PLBD2: variants seen among roughly 807,000 people sequenced by gnomAD.
PLBD2 encodes phospholipase B domain containing 2, also known as putative aminopeptidase PLBD2.
Under a neutral mutation model 68.3 loss-of-function variants are expected in PLBD2, and 51 were observed. The ratio of observed to expected loss-of-function variants is 0.75; its 90% CI spans 0.60 to 0.94. The LOEUF is 0.94. Ranked by LOEUF, PLBD2 falls within the 40% of genes least tolerant of loss-of-function variation. PLBD2 has a pLI of 0.00. For synonymous variants in PLBD2, 314 were observed against 339.3 expected, an observed-to-expected ratio of 0.93 and a Z score of 0.82; for missense variants, 729 against 792.2, an observed-to-expected ratio of 0.92 and a Z score of 0.96.
chr12:113,388,433 C>A lies in PLBD2; in HGVS notation c.1603-26C>A, dbSNP rs767197171. The A allele has an allele frequency of 2.6e-6, 4 of 1,522,552 alleles. No individual in the cohort carries two copies. In the South Asian group the frequency reaches 3.6e-5, roughly 14 times the overall value. The allele number at this position is 1,522,552 out of a possible 1,614,324, so 94.3% of individuals were successfully genotyped here. ...ATTGGGGCAGGCCAGGACCCCTGCT[C>A]AGCTGCGGCTCTGCCCTGTCCCCAG... is the stretch of plus-strand genomic sequence containing the variant. On this transcript the variant is annotated intron_variant, in intron 11 of 11. Transcript: ENST00000280800.
chr12:113,367,759 A>AAAAG (rs1555205488), intron 1 of PLBD2, among the ~76,000 whole-genome samples: 2 of 148,096 alleles, frequency 1.4e-5, no homozygotes, highest in Non-Finnish European at 1.5e-5. Context: ...AAAAAAAAAA[A>AAAAG]AAAAAAGAAA....
intron 5 of PLBD2, among the ~76,000 whole-genome samples, chr12:113,376,046 G>A (rs1266437858): frequency 6.6e-6 from 1 of 151,890 alleles, no homozygotes; most frequent in African/African-American, 2.4e-5. Context: ...CAGAGACAGG[G>A]TTTTCCCATA....
Position 113,374,953 on chromosome 12 carries a change from C to T in PLBD2, c.805C>T (p.His269Tyr). The T allele has an allele frequency of 6.2e-7, 1 of 1,614,160 alleles. No individual in the cohort carries two copies. The highest frequency in any genetic ancestry group is 8.5e-7 in the Non-Finnish European group (1 of 1,180,028). Reference protein sequence around the residue: ...VAHNTWNNYQHMLRVIKKYWL... With the variant: ...VAHNTWNNYQYMLRVIKKYWL... ...CCACAACACCTGGAACAACTACCAGCACATGCTGCGTGTCATCAAGAAGTA... is the reference window on the plus strand; with the variant it reads ...CCACAACACCTGGAACAACTACCAGTACATGCTGCGTGTCATCAAGAAGTA... The change falls in exon 5 of 12, where the codon CAC becomes TAC. Residue 269 changes from histidine to tyrosine, a missense_variant. Transcript: ENST00000280800.
chr12:113,374,608 A>G, intron 4 of PLBD2, 34 bp downstream of exon 4: 1 of 1,537,496 alleles, frequency 6.5e-7, no homozygotes, highest in South Asian at 1.2e-5. Flanking sequence ...CAGGGTGGGA[A>G]GAAGGGCCAC....
intron 1 of PLBD2, among the ~76,000 whole-genome samples, chr12:113,367,762 A>G (rs1401814618): frequency 2.0e-5 from 3 of 151,416 alleles, no homozygotes; most frequent in East Asian, 3.9e-4. Context: ...AAAAAAAAAA[A>G]AAAGAAAAAA....
chr12:113,375,734 A>T (rs1364109450), intron 5 of PLBD2, among the ~76,000 whole-genome samples: 1 of 152,172 alleles, frequency 6.6e-6, no homozygotes, highest in Non-Finnish European at 1.5e-5. Context: ...AGCCAGGGTG[A>T]TGGGGACAGC....
intron 5 of PLBD2, among the ~76,000 whole-genome samples, chr12:113,380,125 T>G (rs1052877628): frequency 6.6e-6 from 1 of 152,150 alleles, no homozygotes; most frequent in Non-Finnish European, 1.5e-5. Context: ...TAGTGTTATT[T>G]CTTTTATTTA....
At chr12:113,369,443 A>G (rs934174716) in intron 2 of PLBD2, among the ~76,000 whole-genome samples, 1 of 152,238 alleles carries the variant, frequency 6.6e-6, no homozygotes, top group Non-Finnish European at 1.5e-5. Context: ...AAAGCTCAAT[A>G]ACAAGTAAAG....
At chr12:113,363,080 G>C (rs1957309955) in intron 1 of PLBD2, among the ~76,000 whole-genome samples, 1 of 152,038 alleles carries the variant, frequency 6.6e-6, no homozygotes, top group African/African-American at 2.4e-5. Flanking sequence ...ACAGGTGTGA[G>C]CTATTGTGCC....
At chr12:113,381,079 A>ATT (rs1957485838) in intron 6 of PLBD2, among the ~76,000 whole-genome samples, 1 of 152,020 alleles carries the variant, frequency 6.6e-6, no homozygotes, top group South Asian at 2.1e-4. Flanking sequence ...GGCGTGTTTA[A>ATT]ACATAGACCC....
chr12:113,380,500 GA>G, intron 5 of PLBD2, among the ~76,000 whole-genome samples: 1 of 152,320 alleles, frequency 6.6e-6, no homozygotes, highest in East Asian at 1.9e-4. Context: ...TGAATCCAAG[GA>G]TGTGGAACCC....
At chr12:113,363,670 T>A (rs1250841334) in intron 1 of PLBD2, among the ~76,000 whole-genome samples, 1 of 151,588 alleles carries the variant, frequency 6.6e-6, no homozygotes. Flanking sequence ...CCCGAGTAGC[T>A]GGGACTACAG....
intron 5 of PLBD2, among the ~76,000 whole-genome samples, chr12:113,378,512 C>T (rs545656881): frequency 6.6e-6 from 1 of 152,102 alleles, no homozygotes; most frequent in Admixed American, 6.6e-5. Flanking sequence ...ATGTTTGGTC[C>T]ACTGTGCGTT....
chr12:113,383,079 C>A (rs555422784), intron 6 of PLBD2, among the ~76,000 whole-genome samples: 1 of 152,182 alleles, frequency 6.6e-6, no homozygotes, highest in Admixed American at 6.5e-5. Context: ...ATGCTGAAGG[C>A]AGCCAAGGGT....
intron 5 of PLBD2, among the ~76,000 whole-genome samples, chr12:113,380,156 A>C (rs1047762644): frequency 6.6e-6 from 1 of 151,770 alleles, no homozygotes; most frequent in African/African-American, 2.4e-5. Context: ...TATTTTTTTT[A>C]GATGGAGTCT....
intron 3 of PLBD2, among the ~76,000 whole-genome samples, 184 bp from the exon 4 acceptor site, chr12:113,374,290 A>G (rs1347857878): frequency 2.0e-5 from 3 of 152,064 alleles, no homozygotes; most frequent in Non-Finnish European, 4.4e-5. Context: ...TGAAAGCAGG[A>G]GAGTGCTCAG....
At chr12:113,386,766 G>A (rs887807601) in intron 9 of PLBD2, among the ~76,000 whole-genome samples, 171 bp from the exon 10 acceptor site, 6 of 152,180 alleles carry the variant, frequency 3.9e-5, no homozygotes, top group Admixed American at 1.3e-4. Context: ...TGATCTGCCC[G>A]CCTCGGCCTC....
At chr12:113,362,796 T>A (rs1216922247) in intron 1 of PLBD2, among the ~76,000 whole-genome samples, 1 of 151,630 alleles carries the variant, frequency 6.6e-6, no homozygotes, top group Non-Finnish European at 1.5e-5. Flanking sequence ...GATTTATTTT[T>A]TTTTTTTGAG....
chr12:113,388,731 G>C lies in PLBD2; in HGVS notation c.*105G>C. ...AACTCCAGCCCCTCCTGGGGGCTTC[G>C]TTCTCTGATCTGGGGTCTGAGTCAT... is the stretch of plus-strand genomic sequence containing the variant. On this transcript the variant is annotated 3_prime_UTR_variant, in exon 12 of 12. Coordinates refer to ENST00000280800, the MANE Select transcript of PLBD2 (RefSeq NM_173542.4). The C allele has an allele frequency of 7.9e-7, 1 of 1,267,600 alleles. No individual in the cohort carries two copies. Among genetic ancestry groups the C allele is most frequent in the Non-Finnish European group, 1.1e-6 (1 of 941,888 alleles). 78.5% of individuals were successfully genotyped at this position (1,267,600 alleles called of 1,614,324 possible).
Sources: gnomAD v4.1 joint callset for allele counts (sites outside exome capture counted in the v4.1 genomes callset) on GRCh38, gnomAD v4.1.1 for gene constraint, MANE v1.5 for transcripts, NCBI Gene and HGNC (gene_info 2026-07-23, HGNC 2026-07-21) for gene names.